Variants in CHST9 observed in about 807,000 individuals in gnomAD.
CHST9 encodes GalNAc-4-sulfotransferase 2.
In CHST9, 41 loss-of-function variants were observed where a neutral mutation model predicts 44.4. That is an observed-to-expected ratio of 0.92 (90% CI 0.72 to 1.20). CHST9 has a LOEUF of 1.20. Among genes scored for constraint, CHST9 ranks in the 50% most tolerant of loss-of-function variants. CHST9 has a pLI of 0.00. For synonymous variants in CHST9, 171 were observed against 178.4 expected, an observed-to-expected ratio of 0.96 and a Z score of 0.33; for missense variants, 504 against 516.5, an observed-to-expected ratio of 0.98 and a Z score of 0.23.
At chr18:26,932,441 G>GT (rs1048381619) in intron 5 of CHST9, among the ~76,000 whole-genome samples, 7 of 151,658 alleles carry the variant, frequency 4.6e-5, no homozygotes, top group East Asian at 3.9e-4. Flanking sequence ...CATCAATGTT[G>GT]TTTTTTTTCA....
chr18:26,941,872 A>C (rs1259015873), intron 5 of CHST9, among the ~76,000 whole-genome samples: 2 of 152,244 alleles, frequency 1.3e-5, no homozygotes, highest in Non-Finnish European at 2.9e-5. Context: ...GGCTAAAAGC[A>C]CAGGCTGGAT....
At chr18:27,144,041 G>C (rs9950392) in intron 1 of CHST9, among the ~76,000 whole-genome samples, 1,778 of 152,308 alleles carry the variant, frequency 0.012, 29 homozygotes, top group African/African-American at 0.037. Flanking sequence ...TATGCAGTAA[G>C]CCGTGTGGTG....
chr18:26,995,438 A>C (rs2056876443), intron 4 of CHST9, among the ~76,000 whole-genome samples: 1 of 17,002 alleles, frequency 5.9e-5, no homozygotes, highest in Non-Finnish European at 1.1e-4. Flanking sequence ...ACTCCGTCTC[A>C]AAAAAAAAAA....
chr18:27,117,190 A>G (rs1025905380), intron 2 of CHST9, among the ~76,000 whole-genome samples: 1 of 152,178 alleles, frequency 6.6e-6, no homozygotes, highest in African/African-American at 2.4e-5. Flanking sequence ...GATAGAAAAA[A>G]ATATATCTAC....
intron 4 of CHST9, among the ~76,000 whole-genome samples, chr18:26,992,033 C>T (rs1454645071): frequency 1.6e-5 from 2 of 126,386 alleles, no homozygotes; most frequent in Non-Finnish European, 3.6e-5. Context: ...AATGATCCAG[C>T]GAAAAAAGGA....
At chr18:27,082,834 C>G (rs188156423) in intron 2 of CHST9, among the ~76,000 whole-genome samples, 1 of 152,152 alleles carries the variant, frequency 6.6e-6, no homozygotes, top group African/African-American at 2.4e-5. Flanking sequence ...AAAATTTTCT[C>G]TAAATGCTTA....
intron 2 of CHST9, among the ~76,000 whole-genome samples, chr18:27,100,038 C>CA: frequency 6.6e-6 from 1 of 151,846 alleles, no homozygotes; most frequent in Admixed American, 6.6e-5. Flanking sequence ...TATATATACA[C>CA]ACACACATAT....
At chr18:27,121,656 G>T (rs1013881084) in intron 2 of CHST9, among the ~76,000 whole-genome samples, 1 of 152,180 alleles carries the variant, frequency 6.6e-6, no homozygotes, top group East Asian at 1.9e-4. Context: ...TATCTTTGAT[G>T]TCAAACGCAG....
At chr18:26,977,286 G>C (rs2056634762) in intron 4 of CHST9, among the ~76,000 whole-genome samples, 1 of 152,046 alleles carries the variant, frequency 6.6e-6, no homozygotes, top group Non-Finnish European at 1.5e-5. Flanking sequence ...AAATACAATA[G>C]CAAGTCCTAA....
intron 3 of CHST9, among the ~76,000 whole-genome samples, chr18:27,035,066 T>G (rs915241022): frequency 1.3e-5 from 2 of 152,238 alleles, no homozygotes; most frequent in Non-Finnish European, 2.9e-5. Flanking sequence ...TTTAATTTTT[T>G]GAGGAATTTC....
intron 2 of CHST9, among the ~76,000 whole-genome samples, chr18:27,123,415 C>T (rs568279271): frequency 1.3e-5 from 2 of 152,128 alleles, no homozygotes; most frequent in South Asian, 4.2e-4. Flanking sequence ...CCATTGTGTT[C>T]AATAATATCC....
At chr18:27,025,708 G>T (rs1228441325) in intron 3 of CHST9, among the ~76,000 whole-genome samples, 2 of 152,058 alleles carry the variant, frequency 1.3e-5, no homozygotes, top group African/African-American at 4.8e-5. Context: ...ATCCCCAGGG[G>T]CTGGACCTGG....
chr18:27,159,090 C>T (rs1418040909), intron 1 of CHST9, among the ~76,000 whole-genome samples: 1 of 152,120 alleles, frequency 6.6e-6, no homozygotes, highest in Non-Finnish European at 1.5e-5. Context: ...GTTTCTTTTG[C>T]TGTGCAGAAG....
At chr18:26,989,141 G>T (rs887468309) in intron 4 of CHST9, among the ~76,000 whole-genome samples, 1 of 152,044 alleles carries the variant, frequency 6.6e-6, no homozygotes, top group Non-Finnish European at 1.5e-5. Flanking sequence ...GAAATAAAGA[G>T]AATGAAAAGA....
intron 1 of CHST9, among the ~76,000 whole-genome samples, chr18:27,149,465 C>T (rs888770444): frequency 2.0e-5 from 3 of 152,086 alleles, no homozygotes; most frequent in Non-Finnish European, 2.9e-5. Flanking sequence ...TAGGTCAATT[C>T]CATGTCTTTG....
chr18:26,974,979 C>G (rs568992126), intron 4 of CHST9, among the ~76,000 whole-genome samples: 4 of 152,134 alleles, frequency 2.6e-5, no homozygotes, highest in African/African-American at 9.7e-5. Context: ...CCAGCCCAGG[C>G]GTACTTATTT....
intron 2 of CHST9, among the ~76,000 whole-genome samples, chr18:27,054,296 G>T (rs533063817): frequency 6.6e-6 from 1 of 152,116 alleles, no homozygotes; most frequent in East Asian, 1.9e-4. Context: ...TCAGAATAAT[G>T]AACACACATT....
chr18:27,170,028 G>A (rs766174202), intron 1 of CHST9, among the ~76,000 whole-genome samples: 1 of 152,148 alleles, frequency 6.6e-6, no homozygotes, highest in South Asian at 2.1e-4. Flanking sequence ...TTTGCTTGAG[G>A]CAGGTACATA....
chr18:27,098,269 C>T (rs1041029847), intron 2 of CHST9, among the ~76,000 whole-genome samples: 2 of 151,788 alleles, frequency 1.3e-5, no homozygotes, highest in Non-Finnish European at 2.9e-5. Context: ...TACCATCTCA[C>T]GTCACTTAGA....
Sources: allele counts gnomAD v4.1 joint callset (sites outside exome capture counted in the v4.1 genomes callset), GRCh38; gene constraint gnomAD v4.1.1; transcripts MANE v1.5; gene names NCBI Gene and HGNC (gene_info 2026-07-23, HGNC 2026-07-21).